The following DNMBP variants were observed in gnomAD, a reference collection of about 807,000 sequenced individuals.
The protein encoded by DNMBP is dynamin-binding protein.
DNMBP carries 87 observed loss-of-function variants against 150.0 expected under a neutral mutation model. The observed-to-expected ratio is 0.58, with a 90% CI of 0.49 to 0.69. The LOEUF (loss-of-function observed/expected upper bound fraction) is 0.69, where lower values mean the gene tolerates loss of function less well. Among genes scored for constraint, DNMBP ranks in the 30% least tolerant of loss-of-function variants. The pLI, the probability that DNMBP is intolerant of heterozygous loss-of-function variation, is 0.00. For synonymous variants in DNMBP, 711 were observed against 750.4 expected, an observed-to-expected ratio of 0.95 and a Z score of 0.86; for missense variants, 1,774 against 1,949.0, an observed-to-expected ratio of 0.91 and a Z score of 1.69.
intron 6 of DNMBP, among the ~76,000 whole-genome samples, chr10:99,902,253 A>G (rs1317264957): frequency 6.7e-6 from 1 of 149,996 alleles, no homozygotes; most frequent in Non-Finnish European, 1.5e-5. Flanking sequence ...GAGAAACTTA[A>G]CTTTTTTCAT....
intron 11 of DNMBP, among the ~76,000 whole-genome samples, chr10:99,894,291 G>A (rs1200837391): frequency 2.0e-5 from 3 of 152,162 alleles, no homozygotes; most frequent in African/African-American, 4.8e-5. Context: ...AGGGACAGGA[G>A]TATCCAGTAC....
At chr10:99,950,496 G>A (rs2040408357) in intron 4 of DNMBP, among the ~76,000 whole-genome samples, 1 of 152,146 alleles carries the variant, frequency 6.6e-6, no homozygotes, top group African/African-American at 2.4e-5. Context: ...GGAAAAGTTT[G>A]GAACTCCCTA....
intron 4 of DNMBP, among the ~76,000 whole-genome samples, chr10:99,954,819 G>A (rs964333772): frequency 3.3e-5 from 5 of 151,444 alleles, no homozygotes; most frequent in Admixed American, 6.6e-5. Context: ...GGGAGGCCGA[G>A]GCAGGTGGAT....
chr10:99,998,334 T>C (rs2040973673), intron 1 of DNMBP, among the ~76,000 whole-genome samples: 1 of 151,842 alleles, frequency 6.6e-6, no homozygotes, highest in Non-Finnish European at 1.5e-5. Context: ...TCCCAACACT[T>C]TGGGAGGCTG....
At chr10:99,927,655 T>C (rs2040096907) in intron 4 of DNMBP, among the ~76,000 whole-genome samples, 1 of 152,158 alleles carries the variant, frequency 6.6e-6, no homozygotes, top group Non-Finnish European at 1.5e-5. Context: ...AGATTTCTAG[T>C]AAAGACAGAA....
rs140839578 is a variant in DNMBP, at chr10:99,967,668, GGTGTGTGTGTGTGTGTGTGT to G, written c.268+1427_268+1446del. Among the ~76,000 whole-genome samples, 517 of 145,642 alleles carry G rather than the reference GGTGTGTGTGTGTGTGTGTGT, an allele frequency of 3.5e-3. 3 individuals carry two copies. Among genetic ancestry groups the G allele is most frequent in the African/African-American group, 0.012 (475 of 38,858 alleles). ...TAGAGAAGTTTGATAGGTTTTTCTG[GGTGTGTGTGTGTGTGTGTGT>G]GTGTGTGTGTGGGTATGTGTGTACA... On this transcript the variant is annotated intron_variant, in intron 3 of 16. Transcript: ENST00000324109.
At position 99,956,484 on chromosome 10, in the gene DNMBP, G is replaced by T. The variant is rs1316271492; in HGVS notation, c.990C>A (p.Asn330Lys). 3 of 1,613,980 alleles carry T rather than the reference G, an allele frequency of 1.9e-6. No individual in the cohort carries two copies. Among genetic ancestry groups the T allele is most frequent in the Non-Finnish European group, 2.5e-6 (3 of 1,180,036 alleles). ...GTCTTTGTTCCTCTACTCCTAAGGT[G>T]TTCTCCAAACAATCCAAAGAAGTTT... is the stretch of plus-strand genomic sequence containing the variant. ...IPETSLDCLE[N>K]TLGVEEQRHE... Residue 330 changes from asparagine (N) to lysine (K), a missense_variant, in exon 4 of 17, where the codon AAC (asparagine) becomes AAA (lysine). Physicochemically the swap from Asn to Lys is moderately conservative, Grantham distance 94. Transcript: ENST00000324109.
chr10:99,949,163 T>C lies in DNMBP; in HGVS notation c.2260+6051A>G, dbSNP rs74155747. Among the ~76,000 whole-genome samples, 350 of 152,088 alleles carry C rather than the reference T, an allele frequency of 2.3e-3. 2 individuals carry two copies. Among genetic ancestry groups the C allele is most frequent in the African/African-American group, 7.8e-3 (322 of 41,476 alleles). On this transcript the variant is annotated intron_variant, in intron 4 of 16. Transcript: ENST00000324109. ...AGTAACAACAGAAGTAGGAGATCTC[T>C]GAAAACTCTGGGAGGTAGAGCAGGC... is the stretch of plus-strand genomic sequence containing the variant.
At chr10:99,889,946 GT>G (rs2039531700) in intron 11 of DNMBP, among the ~76,000 whole-genome samples, 1 of 151,864 alleles carries the variant, frequency 6.6e-6, no homozygotes. Context: ...TGCTGTCACC[GT>G]CTCAAAGACA....
intron 4 of DNMBP, among the ~76,000 whole-genome samples, chr10:99,917,826 C>T (rs1361918755): frequency 1.3e-5 from 2 of 151,760 alleles, no homozygotes; most frequent in Non-Finnish European, 2.9e-5. Flanking sequence ...TAGCTGGGCG[C>T]AGTGGTGCCC....
At chr10:99,882,680 T>G (rs2039387294) in intron 15 of DNMBP, among the ~76,000 whole-genome samples, 1 of 152,234 alleles carries the variant, frequency 6.6e-6, no homozygotes, top group South Asian at 2.1e-4. Context: ...AGGAAAGTTC[T>G]GATGTTTTTG....
At chr10:99,970,982 A>AAAAAATAAAAAAAAAAAT (rs1564750395) in intron 2 of DNMBP, among the ~76,000 whole-genome samples, 35 of 147,392 alleles carry the variant, frequency 2.4e-4, no homozygotes, top group African/African-American at 8.5e-4. Context: ...AAAAAAAAAA[A>AAAAAATAAAAAAAAAAAT]AAAAAAAAAA....
intron 7 of DNMBP, among the ~76,000 whole-genome samples, chr10:99,899,090 G>A (rs1030454398): frequency 6.6e-6 from 1 of 152,142 alleles, no homozygotes; most frequent in African/African-American, 2.4e-5. Context: ...CTACTGGGGG[G>A]CTGAGGCAGG....
At chr10:99,973,655 C>T (rs1482143849) in intron 1 of DNMBP, among the ~76,000 whole-genome samples, 1 of 152,180 alleles carries the variant, frequency 6.6e-6, no homozygotes, top group South Asian at 2.1e-4. Context: ...TGAAGAACAG[C>T]AGCAGAACTA....
chr10:99,998,153 T>C (rs1306568378), intron 1 of DNMBP, among the ~76,000 whole-genome samples: 1 of 149,632 alleles, frequency 6.7e-6, no homozygotes, highest in Admixed American at 6.7e-5. Context: ...GAGAATCGCT[T>C]GAACCCGGGA....
chr10:99,895,101 C>A, intron 10 of DNMBP, 51 bp from the exon 11 acceptor site: 1 of 980,932 alleles, frequency 1.0e-6, no homozygotes, highest in Non-Finnish European at 1.5e-6. Flanking sequence ...CTCCTTTAAT[C>A]TTACTGGCAA....
chr10:99,913,926 TG>T, intron 4 of DNMBP: 1 of 1,314,382 alleles, frequency 7.6e-7, no homozygotes, highest in South Asian at 2.3e-5. Flanking sequence ...CTTCCTTCTG[TG>T]CTGGCTCCCA....
chr10:99,879,223 G>C (rs1324958791), intron 16 of DNMBP, among the ~76,000 whole-genome samples: 1 of 152,166 alleles, frequency 6.6e-6, no homozygotes, highest in African/African-American at 2.4e-5. Flanking sequence ...CCAGCACTTT[G>C]GGAGGCCGAG....
chr10:99,895,128 T>C (rs2039633660), intron 10 of DNMBP, 78 bp from the exon 11 acceptor site: 1 of 801,084 alleles, frequency 1.2e-6, no homozygotes, highest in African/African-American at 1.8e-5. Flanking sequence ...CTTGCTTTTT[T>C]TTTTTTTTTT....
Sources: gnomAD v4.1 joint callset for allele counts (sites outside exome capture counted in the v4.1 genomes callset) on GRCh38, gnomAD v4.1.1 for gene constraint, MANE v1.5 for transcripts, NCBI Gene and HGNC (gene_info 2026-07-23, HGNC 2026-07-21) for gene names.